Variants in NKAIN3 observed in about 807,000 individuals in gnomAD.
NKAIN3 encodes the protein sodium/potassium transporting ATPase interacting 3.
Under a neutral mutation model 30.2 loss-of-function variants are expected in NKAIN3, and 25 were observed. The ratio of observed to expected loss-of-function variants is 0.83; its 90% CI spans 0.60 to 1.16. The LOEUF is 1.16. NKAIN3 is among the 50% of genes most tolerant of loss of function. The pLI is 0.00. For missense variants in NKAIN3, 225 were observed against 254.1 expected, an observed-to-expected ratio of 0.89 and a Z score of 0.78; for synonymous variants, 91 against 89.6, an observed-to-expected ratio of 1.02 and a Z score of -0.09.
rs1361888799 is a variant in NKAIN3 at position 62,849,642 on chromosome 8, C to T, written c.472-68811C>T. ...ACAACAGGTCCAAGTGTGTGATATT[C>T]CCCTTCCTGTGTCCATGTGTTCTCA... On this transcript the variant is annotated intron_variant, in intron 4 of 6. Coordinates refer to ENST00000623646, the MANE Select transcript of NKAIN3 (RefSeq NM_001304533.3). Among the ~76,000 whole-genome samples the T allele has an allele frequency of 4.5e-5, 5 of 112,262 alleles. No individual in the cohort carries two copies. The Admixed American group carries it at 7.1e-4, about 16-fold the overall frequency. 73.6% of individuals were successfully genotyped at this position (112,262 alleles called of 152,430 possible). A position where few individuals can be genotyped will look rare whatever the true frequency, so the allele number is the denominator to read the frequency against.
chr8:62,868,175 GA>G (rs1285519106), intron 4 of NKAIN3, among the ~76,000 whole-genome samples: 2 of 152,166 alleles, frequency 1.3e-5, no homozygotes, highest in African/African-American at 4.8e-5. Flanking sequence ...ATTCTCACCA[GA>G]ATAAGAAGTC....
rs141179948 is a variant in NKAIN3, at chr8:62,419,584, G to T, written c.55-159955G>T. Among the ~76,000 whole-genome samples, 38 of 152,292 alleles carry T rather than the reference G, an allele frequency of 2.5e-4. No individual in the cohort carries two copies. The East Asian group carries it at 7.0e-3, about 28-fold the overall frequency. ...TTGCTGCTAATAGGTTGTACATTCA[G>T]TAGTGACAAATAGATAAATCTTGTA... On this transcript the variant is annotated intron_variant, in intron 1 of 6. Coordinates refer to ENST00000623646, the MANE Select transcript of NKAIN3 (RefSeq NM_001304533.3).
intron 1 of NKAIN3, among the ~76,000 whole-genome samples, chr8:62,281,436 C>T (rs1028240818): frequency 6.6e-6 from 1 of 152,044 alleles, no homozygotes; most frequent in Non-Finnish European, 1.5e-5. Context: ...TGTGTTTGCT[C>T]TTGCTTCTCT....
intron 5 of NKAIN3, among the ~76,000 whole-genome samples, chr8:62,993,707 G>A (rs1804034386): frequency 6.6e-6 from 1 of 152,150 alleles, no homozygotes; most frequent in Non-Finnish European, 1.5e-5. Context: ...TGGAAGGATG[G>A]AAATGAGAAA....
At chr8:62,929,244 G>C (rs1822542854) in intron 5 of NKAIN3, among the ~76,000 whole-genome samples, 1 of 152,122 alleles carries the variant, frequency 6.6e-6, no homozygotes, top group South Asian at 2.1e-4. Context: ...AAAAAGTAGT[G>C]AATTAAAGGG....
intron 1 of NKAIN3, among the ~76,000 whole-genome samples, chr8:62,461,061 CA>C (rs1805986287): frequency 6.6e-6 from 1 of 152,188 alleles, no homozygotes; most frequent in African/African-American, 2.4e-5. Context: ...CCTAAACACT[CA>C]CCTTTGGTCA....
intron 1 of NKAIN3, among the ~76,000 whole-genome samples, chr8:62,362,614 G>A (rs1315565648): frequency 1.3e-5 from 2 of 152,168 alleles, no homozygotes; most frequent in Non-Finnish European, 2.9e-5. Context: ...GACACCACAA[G>A]GTAGTGATAC....
At chr8:62,599,338 G>C (rs1282056699) in intron 3 of NKAIN3, among the ~76,000 whole-genome samples, 1 of 152,024 alleles carries the variant, frequency 6.6e-6, no homozygotes, top group African/African-American at 2.4e-5. Context: ...GGGAATGACT[G>C]TGGGTAGGTA....
chr8:62,424,555 C>T (rs1332965374), intron 1 of NKAIN3, among the ~76,000 whole-genome samples: 1 of 151,872 alleles, frequency 6.6e-6, no homozygotes, highest in Non-Finnish European at 1.5e-5. Context: ...AAATGCTCAA[C>T]ATCAGTAATC....
chr8:62,438,860 G>C (rs957462020), intron 1 of NKAIN3, among the ~76,000 whole-genome samples: 5 of 152,114 alleles, frequency 3.3e-5, no homozygotes, highest in Non-Finnish European at 7.4e-5. Context: ...ACTGAGCCTG[G>C]CCAGGAACAG....
At chr8:62,737,903 A>G (rs1435034145) in intron 3 of NKAIN3, among the ~76,000 whole-genome samples, 12 of 152,258 alleles carry the variant, frequency 7.9e-5, no homozygotes, top group Non-Finnish European at 1.0e-4. Flanking sequence ...CTCTTCTTAA[A>G]ATGAGTTATC....
chr8:62,801,918 G>T (rs1430624136), intron 4 of NKAIN3, among the ~76,000 whole-genome samples: 1 of 152,162 alleles, frequency 6.6e-6, no homozygotes, highest in Non-Finnish European at 1.5e-5. Flanking sequence ...ACAGAGAAGT[G>T]CTTAAAGGAG....
intron 3 of NKAIN3, among the ~76,000 whole-genome samples, chr8:62,691,276 A>T (rs1357635193): frequency 6.6e-6 from 1 of 152,072 alleles, no homozygotes; most frequent in Non-Finnish European, 1.5e-5. Context: ...AGCTTGGAGG[A>T]TCTTAAATGC....
At position 62,532,112 on chromosome 8, in the gene NKAIN3, T is replaced by C. The variant is rs114508686; in HGVS notation, c.55-47427T>C. Reference sequence around the variant, plus strand: ...TTAAGGCTCCTAGTCTGATGCTTTCTTTCTTGAACATGCTCATTTTAGTCA... The same window carrying C: ...TTAAGGCTCCTAGTCTGATGCTTTCCTTCTTGAACATGCTCATTTTAGTCA... On this transcript the variant is annotated intron_variant, in intron 1 of 6. Coordinates refer to ENST00000623646, the MANE Select transcript of NKAIN3 (RefSeq NM_001304533.3). 8.2e-3 allele frequency among the ~76,000 whole-genome samples: 1,253 copies of C among 152,334 alleles called. 16 individuals are homozygous for C. The highest frequency in any genetic ancestry group is 0.028 in the African/African-American group (1,179 of 41,582).
At chr8:62,988,894 C>A (rs530084322), downstream of NKAIN3, among the ~76,000 whole-genome samples, 1 of 152,218 alleles carries the variant, frequency 6.6e-6, no homozygotes, top group Non-Finnish European at 1.5e-5. Context: ...GGCTCTGCTT[C>A]CTCCTGAATG....
rs531988481 is a variant in NKAIN3 at position 62,977,667 on chromosome 8, G to T, written c.*12260G>T. ...TATTGGGTTACTATATGTTCCATTC[G>T]CTCTGAGGAGTTCGTTATTACCCAT... On this transcript the variant is annotated 3_prime_UTR_variant, in exon 7 of 7. Transcript: ENST00000623646. Among the ~76,000 whole-genome samples the T allele has an allele frequency of 6.6e-6, 1 of 151,918 alleles. No homozygotes were observed. Among genetic ancestry groups the T allele is most frequent in the Non-Finnish European group, 1.5e-5 (1 of 68,022 alleles).
intron 4 of NKAIN3, among the ~76,000 whole-genome samples, chr8:62,814,916 C>A (rs1345380983): frequency 2.6e-5 from 4 of 151,958 alleles, no homozygotes; most frequent in African/African-American, 9.7e-5. Context: ...ACACAAAAAC[C>A]CTTCAAAAAA....
chr8:62,855,924 G>T, intron 4 of NKAIN3: 1 of 751,286 alleles, frequency 1.3e-6, no homozygotes, highest in Non-Finnish European at 2.5e-6. Context: ...TCTGCGTGAT[G>T]CTACAACCTC....
At position 62,345,462 on chromosome 8, in the gene NKAIN3, TACAC is replaced by T. The variant is rs1168960428; in HGVS notation, c.54+96337_54+96340del. On this transcript the variant is annotated intron_variant, in intron 1 of 6. Transcript: ENST00000623646. ...GTATATATACACACATATGTATATA[TACAC>T]ATATATACACATATATGTATATATA... Among the ~76,000 whole-genome samples, 126 of 25,586 alleles carry T rather than the reference TACAC, an allele frequency of 4.9e-3. 10 individuals are homozygous for T. Among genetic ancestry groups the T allele is most frequent in the African/African-American group, 0.011 (120 of 10,816 alleles). 16.8% of individuals were successfully genotyped at this position (25,586 alleles called of 152,430 possible).
Sources: allele counts gnomAD v4.1 joint callset (sites outside exome capture counted in the v4.1 genomes callset), GRCh38; gene constraint gnomAD v4.1.1; transcripts MANE v1.5; gene names NCBI Gene and HGNC (gene_info 2026-07-23, HGNC 2026-07-21).